Variants in PRAC2 observed in about 807,000 individuals in gnomAD.
The protein encoded by PRAC2 is PRAC2 small nuclear protein, also known as protein PRAC2.
For missense variants in PRAC2, 92 were observed against 114.5 expected (o/e 0.80, Z 0.90); for synonymous variants, 43 against 49.5 (o/e 0.87, Z 0.55).
At chr17:48,719,212 A>AAC (rs3060082), upstream of PRAC2, among the ~76,000 whole-genome samples, 4,486 of 141,116 alleles carry the variant, frequency 0.032, 62 homozygotes, top group African/African-American at 0.042. Flanking sequence ...CTCGCACACA[A>AAC]ACACACACAC....
chr17:48,723,658 T>C, intron 1 of PRAC2: 1 of 1,222,138 alleles, frequency 8.2e-7, no homozygotes, highest in Non-Finnish European at 1.0e-6. Flanking sequence ...GGCGGCGGCC[T>C]CGCAGGGTTC....
chr17:48,724,369 G>C lies in PRAC2; in HGVS notation c.-42G>C. ...TCCGAAAAAAAGTGTGTGTGGGGGG[G>C]TCCACACCACTAATTATTATGGCGA... is the stretch of plus-strand genomic sequence containing the variant. On this transcript the variant is annotated 5_prime_UTR_variant, in exon 2 of 2. Coordinates refer to ENST00000422730, the MANE Select transcript of PRAC2 (RefSeq NM_001282275.2). 2 of 1,234,294 alleles carry C rather than the reference G, an allele frequency of 1.6e-6. No individual in the cohort carries two copies. Among genetic ancestry groups the C allele is most frequent in the Non-Finnish European group, 2.0e-6 (2 of 988,114 alleles). The allele number at this position is 1,234,294 out of a possible 1,614,324, so 76.5% of individuals were successfully genotyped here.
upstream of PRAC2, among the ~76,000 whole-genome samples, chr17:48,719,549 C>T (rs564772891): frequency 2.4e-4 from 36 of 152,332 alleles, no homozygotes; most frequent in Admixed American, 2.1e-3. Flanking sequence ...CGAGCGGCGA[C>T]GGCCTCGTTA....
chr17:48,719,138 G>A (rs977115872), upstream of PRAC2, among the ~76,000 whole-genome samples: 2 of 152,144 alleles, frequency 1.3e-5, no homozygotes, highest in African/African-American at 4.8e-5. Context: ...GAGAGACCCG[G>A]AGATCGAGTG....
upstream of PRAC2, among the ~76,000 whole-genome samples, chr17:48,719,071 G>T (rs980540986): frequency 1.3e-5 from 2 of 152,102 alleles, no homozygotes; most frequent in Non-Finnish European, 2.9e-5. Context: ...TGGCCCCTGC[G>T]CCTCCCCGCG....
chr17:48,720,533 C>A (rs182341382), upstream of PRAC2, among the ~76,000 whole-genome samples: 993 of 152,288 alleles, frequency 6.5e-3, 8 homozygotes, highest in African/African-American at 0.023. Flanking sequence ...GTCATTTGGT[C>A]ATGGAATAAA....
At chr17:48,722,883 T>G (rs1360739533), upstream of PRAC2, among the ~76,000 whole-genome samples, 1 of 152,162 alleles carries the variant, frequency 6.6e-6, no homozygotes, top group African/African-American at 2.4e-5. Flanking sequence ...CCCCCCAGGC[T>G]GGGCGCCAGC....
chr17:48,722,577 G>A (rs576280801), upstream of PRAC2: 9 of 589,672 alleles, frequency 1.5e-5, no homozygotes, highest in South Asian at 1.8e-4. Flanking sequence ...GGCTCAGTAA[G>A]AAGGCCTGCG....
chr17:48,723,354 G>C (rs1284069708), intron 1 of PRAC2, 41 bp downstream of exon 1: 1 of 247,856 alleles, frequency 4.0e-6, no homozygotes, highest in Non-Finnish European at 7.6e-6. Context: ...GCAGCTCGGG[G>C]ATTTCTATTA....
chr17:48,719,467 G>A (rs1356843170), upstream of PRAC2, among the ~76,000 whole-genome samples: 2 of 152,172 alleles, frequency 1.3e-5, no homozygotes, highest in East Asian at 3.9e-4. Context: ...CCTGGTAGCA[G>A]CCAGGGATCG....
At chr17:48,721,690 T>G (rs1055685825), upstream of PRAC2, 75 of 1,128,000 alleles carry the variant, frequency 6.6e-5, 1 homozygote, top group Non-Finnish European at 3.0e-5. Context: ...AAAGAAAAAT[T>G]GTTATAATCA....
upstream of PRAC2, chr17:48,721,774 G>A (rs1178796546): frequency 1.3e-6 from 2 of 1,506,106 alleles, no homozygotes; most frequent in Non-Finnish European, 1.8e-6. Context: ...TTGCTACATT[G>A]CCCAGGCTGG....
chr17:48,722,461 A>G, upstream of PRAC2: 3 of 1,404,904 alleles, frequency 2.1e-6, no homozygotes, highest in Non-Finnish European at 3.0e-6. Flanking sequence ...GCATCGGCCT[A>G]AAGGTTTCAG....
chr17:48,722,196 C>A, upstream of PRAC2: 1 of 853,888 alleles, frequency 1.2e-6, no homozygotes, highest in Non-Finnish European at 1.9e-6. Flanking sequence ...TCACCCTTCC[C>A]TTGTTTCCCA....
chr17:48,721,715 C>T (rs28370320), upstream of PRAC2: 976 of 1,245,358 alleles, frequency 7.8e-4, 7 homozygotes, highest in African/African-American at 0.014. Flanking sequence ...TAACTTTCAC[C>T]CAGTTTCCTT....
upstream of PRAC2, among the ~76,000 whole-genome samples, chr17:48,720,233 C>A (rs1489392626): frequency 6.6e-6 from 1 of 152,204 alleles, no homozygotes; most frequent in East Asian, 1.9e-4. Context: ...GGCAAGGGGA[C>A]GTCTGATTAC....
At chr17:48,723,878 G>A in intron 1 of PRAC2, 8 of 824,660 alleles carry the variant, frequency 9.7e-6, no homozygotes, top group Non-Finnish European at 1.3e-5. Flanking sequence ...AGCCCGCGTA[G>A]ACGCGACCCT....
chr17:48,722,568 G>C (rs2143044463), upstream of PRAC2: 1 of 603,378 alleles, frequency 1.7e-6, no homozygotes, highest in Non-Finnish European at 3.0e-6. Context: ...CTGGGGCGGG[G>C]CTCAGTAAGA....
At chr17:48,720,251 G>C (rs540808646), upstream of PRAC2, among the ~76,000 whole-genome samples, 17 of 152,200 alleles carry the variant, frequency 1.1e-4, no homozygotes, top group Admixed American at 1.3e-4. Flanking sequence ...TACTGCCCAG[G>C]CTTCGCCTGG....
Sources: gnomAD v4.1 joint callset for allele counts (sites outside exome capture counted in the v4.1 genomes callset) on GRCh38, gnomAD v4.1.1 for gene constraint, MANE v1.5 for transcripts, NCBI Gene and HGNC (gene_info 2026-07-23, HGNC 2026-07-21) for gene names.